CORO7: variants seen among roughly 807,000 people sequenced by gnomAD.
CORO7 encodes coronin-7.
A neutral mutation model predicts 126.6 loss-of-function variants in CORO7; 107 were observed. That is an observed-to-expected ratio of 0.85 (90% CI 0.72 to 0.99). CORO7 has a LOEUF of 0.99. Ranked by LOEUF, CORO7 falls within the 50% of genes least tolerant of loss-of-function variation. The probability of loss-of-function intolerance (pLI) is 0.00; values close to 1 mark genes in which losing one functional copy is unlikely to be tolerated. For synonymous variants in CORO7, 603 were observed against 536.8 expected (o/e 1.12, Z -1.70); for missense variants, 1,314 against 1,255.8 (o/e 1.05, Z -0.70).
In CORO7 at chr16:4,369,776, C is replaced by G. The variant is rs373788280; in HGVS notation, c.786-4231G>C. ...ATTCTGCCATTGCGCCAGTTCAAAG[C>G]AGGCTGGGTCCCTTGGATCTGTCCC... On this transcript the variant is annotated intron_variant, in intron 9 of 27. Transcript: ENST00000251166. Among the ~76,000 whole-genome samples the G allele has an allele frequency of 2.6e-5, 4 of 152,156 alleles. No individual in the cohort carries two copies. In the East Asian group the frequency reaches 7.7e-4, roughly 29 times the overall value.
chr16:4,407,278 A>G (rs78639925), intron 5 of CORO7, among the ~76,000 whole-genome samples: 1 of 128,082 alleles, frequency 7.8e-6, no homozygotes, highest in East Asian at 2.0e-4. Context: ...AAAACAACAG[A>G]AAAAAAAAAA....
At chr16:4,404,513 T>C (rs917023614) in intron 6 of CORO7, among the ~76,000 whole-genome samples, 4 of 152,192 alleles carry the variant, frequency 2.6e-5, no homozygotes, top group Non-Finnish European at 4.4e-5. Flanking sequence ...AGCCGGATTC[T>C]GCTCAGAGCC....
At chr16:4,413,923 T>C (rs1374808852) in intron 1 of CORO7, among the ~76,000 whole-genome samples, 2 of 149,926 alleles carry the variant, frequency 1.3e-5, no homozygotes, top group Non-Finnish European at 3.0e-5. Flanking sequence ...CGGTGGTTCA[T>C]GCCTGTAATC....
intron 9 of CORO7, among the ~76,000 whole-genome samples, chr16:4,379,728 A>C (rs889115343): frequency 1.9e-4 from 29 of 152,026 alleles, no homozygotes; most frequent in African/African-American, 6.5e-4. Context: ...CTTGGTGCCC[A>C]GCTCAGGGCA....
intron 1 of CORO7, among the ~76,000 whole-genome samples, chr16:4,413,877 G>A (rs563297299): frequency 1.2e-4 from 18 of 150,754 alleles, no homozygotes; most frequent in South Asian, 1.1e-3. Flanking sequence ...CCCCACTCAC[G>A]AAGTCCCTTA....
At chr16:4,367,904 A>C (rs1567257464) in intron 9 of CORO7, among the ~76,000 whole-genome samples, 1 of 152,034 alleles carries the variant, frequency 6.6e-6, no homozygotes, top group Non-Finnish European at 1.5e-5. Context: ...TTTCAAGCAA[A>C]AGAGGCTAGG....
chr16:4,415,872 G>A (rs1056781589), intron 1 of CORO7: 81 of 985,558 alleles, frequency 8.2e-5, no homozygotes, highest in Non-Finnish European at 9.3e-5. Context: ...GCCCCACCCA[G>A]CCGTGGCAGC....
intron 9 of CORO7, among the ~76,000 whole-genome samples, chr16:4,372,184 C>T (rs1445745641): frequency 6.6e-6 from 1 of 152,034 alleles, no homozygotes; most frequent in African/African-American, 2.4e-5. Context: ...CGTCCTGGGG[C>T]GCCGACAGCC....
chr16:4,380,191 C>T (rs2141241711), intron 9 of CORO7, among the ~76,000 whole-genome samples: 1 of 152,316 alleles, frequency 6.6e-6, no homozygotes, highest in East Asian at 1.9e-4. Context: ...TGTCACCAGC[C>T]TCAGCTCCCC....
rs1342461399 is a variant in CORO7, at chr16:4,361,736, C to T, written c.1578+249G>A. 13 of 803,502 alleles carry T rather than the reference C, an allele frequency of 1.6e-5. No individual in the cohort carries two copies. In the Admixed American group the frequency reaches 2.4e-4, roughly 15 times the overall value. The allele number at this position is 803,502 out of a possible 1,614,324, so 49.8% of individuals were successfully genotyped here. A position where few individuals can be genotyped will look rare whatever the true frequency, so the allele number is the denominator to read the frequency against. On this transcript the variant is annotated intron_variant, in intron 16 of 27. Transcript: ENST00000251166. ...CAGGTGGCCGGGCTTCGGATCCCAG[C>T]TCCACCACTTACACAGCTGTGTGAC...
At chr16:4,403,753 C>A (rs2055897353) in intron 6 of CORO7, among the ~76,000 whole-genome samples, 1 of 152,134 alleles carries the variant, frequency 6.6e-6, no homozygotes, top group African/African-American at 2.4e-5. Context: ...GGGCCTGGAC[C>A]ACCACACCTG....
chr16:4,377,697 C>T (rs895878345), intron 9 of CORO7, among the ~76,000 whole-genome samples: 2 of 152,302 alleles, frequency 1.3e-5, no homozygotes, highest in South Asian at 4.1e-4. Context: ...GAGTCCCTGG[C>T]GGTGCCCTCA....
At chr16:4,398,696 G>A (rs1459732549) in intron 6 of CORO7, among the ~76,000 whole-genome samples, 6 of 151,866 alleles carry the variant, frequency 4.0e-5, no homozygotes, top group Middle Eastern at 6.8e-3. Context: ...AAGGCTGGGC[G>A]TGGTGGCTCA....
chr16:4,387,217 G>A (rs1392368945), intron 9 of CORO7, among the ~76,000 whole-genome samples: 1 of 152,072 alleles, frequency 6.6e-6, no homozygotes, highest in African/African-American at 2.4e-5. Flanking sequence ...GTTGTGGGTG[G>A]TCTGAACAGA....
chr16:4,389,677 GC>G (rs2055319281), intron 7 of CORO7, among the ~76,000 whole-genome samples: 1 of 152,192 alleles, frequency 6.6e-6, no homozygotes, highest in Non-Finnish European at 1.5e-5. Context: ...GAGAACCAAG[GC>G]CCCACTGCCC....
chr16:4,386,840 G>C (rs72766584), intron 9 of CORO7, among the ~76,000 whole-genome samples: 3,213 of 152,260 alleles, frequency 0.021, 52 homozygotes, highest in Middle Eastern at 0.061. Context: ...CTCTCAGCCC[G>C]GGGAAGCCCT....
chr16:4,361,707 G>A (rs903481760), intron 16 of CORO7: 2 of 785,526 alleles, frequency 2.5e-6, no homozygotes, highest in African/African-American at 3.4e-5. Context: ...TCCGGCTTAG[G>A]GCTCAGGTGG....
chr16:4,369,117 G>A (rs1052491083), intron 9 of CORO7, among the ~76,000 whole-genome samples: 4 of 152,370 alleles, frequency 2.6e-5, no homozygotes, highest in South Asian at 2.1e-4. Context: ...AGCTGAGGCC[G>A]AGTGGGCAGG....
chr16:4,364,237 G>A, intron 14 of CORO7, 39 bp downstream of exon 14: 1 of 1,499,958 alleles, frequency 6.7e-7, no homozygotes, highest in Non-Finnish European at 8.9e-7. Flanking sequence ...AGCCACTGCA[G>A]TGTCGCTGAG....
Sources: allele counts gnomAD v4.1 joint callset (sites outside exome capture counted in the v4.1 genomes callset), GRCh38; gene constraint gnomAD v4.1.1; transcripts MANE v1.5; gene names NCBI Gene and HGNC (gene_info 2026-07-23, HGNC 2026-07-21).